COL22A1: variants seen among roughly 807,000 people sequenced by gnomAD.
COL22A1 encodes the protein collagen alpha-1(XXII) chain.
COL22A1 carries 221 observed loss-of-function variants against 248.9 expected under a neutral mutation model. The observed-to-expected ratio is 0.89, with a 90% CI of 0.80 to 0.99. The LOEUF (loss-of-function observed/expected upper bound fraction) is 0.99, where lower values mean the gene tolerates loss of function less well. Ranked by LOEUF, COL22A1 falls within the 50% of genes least tolerant of loss-of-function variation. The pLI, the probability that COL22A1 is intolerant of heterozygous loss-of-function variation, is 0.00. For synonymous variants in COL22A1, 891 were observed against 793.4 expected, an observed-to-expected ratio of 1.12 and a Z score of -2.07; for missense variants, 2,240 against 2,179.0, an observed-to-expected ratio of 1.03 and a Z score of -0.56.
intron 32 of COL22A1, among the ~76,000 whole-genome samples, chr8:138,697,465 G>T (rs1439296828): frequency 3.3e-5 from 5 of 152,136 alleles, no homozygotes; most frequent in Non-Finnish European, 7.3e-5. Flanking sequence ...GCACCAAGCT[G>T]CCTGTCCCTC....
chr8:138,810,506 C>T (rs1477586652), intron 9 of COL22A1, among the ~76,000 whole-genome samples: 2 of 152,186 alleles, frequency 1.3e-5, no homozygotes, highest in African/African-American at 4.8e-5. Context: ...AGCCCTGGCT[C>T]CTGCCTCCGC....
rs933148600 is a variant in COL22A1, at chr8:138,722,104, G to A, written c.2248-15C>T. The A allele has an allele frequency of 1.1e-5, 17 of 1,566,618 alleles. No homozygotes were observed. The highest frequency in any genetic ancestry group is 1.3e-5 in the Non-Finnish European group (15 of 1,154,764). ...CCAGGGGGTCCCTGGGCCAAGAGGG[G>A]AAAACATAAATAAAAAGGAAAGGCA... On this transcript the variant is annotated splice_polypyrimidine_tract_variant and intron_variant, in intron 25 of 64. Transcript: ENST00000303045.
intron 12 of COL22A1, among the ~76,000 whole-genome samples, chr8:138,794,415 T>C (rs1816322588): frequency 6.7e-6 from 1 of 149,952 alleles, no homozygotes; most frequent in Non-Finnish European, 1.5e-5. Flanking sequence ...CTGCTGAACA[T>C]GTTGGTGGGA....
In COL22A1 at chr8:138,769,130, T is replaced by A. The variant is rs184781743; in HGVS notation, c.1804-6664A>T. ...GTCCTATACTTTGCAAATCTTACCCTCCCCTCTAAGCTGTGAGTTTAAGAG... is the reference window on the plus strand; with the variant it reads ...GTCCTATACTTTGCAAATCTTACCCACCCCTCTAAGCTGTGAGTTTAAGAG... On this transcript the variant is annotated intron_variant, in intron 16 of 64. Coordinates refer to ENST00000303045, the MANE Select transcript of COL22A1 (RefSeq NM_152888.3). 2.2e-3 allele frequency among the ~76,000 whole-genome samples: 334 copies of A among 152,000 alleles called. 1 individual carries two copies. Among genetic ancestry groups the A allele is most frequent in the African/African-American group, 6.3e-3 (260 of 41,488 alleles).
intron 6 of COL22A1, among the ~76,000 whole-genome samples, chr8:138,823,533 GTAGCTGGGAC>G (rs1819336623): frequency 2.0e-5 from 3 of 152,164 alleles, no homozygotes; most frequent in African/African-American, 7.2e-5. Flanking sequence ...AGCCTCCCGA[GTAGCTGGGAC>G]TACAGGTGCG....
chr8:138,777,687 A>T (rs1814598899), intron 15 of COL22A1, among the ~76,000 whole-genome samples: 1 of 152,196 alleles, frequency 6.6e-6, no homozygotes, highest in African/African-American at 2.4e-5. Context: ...ATCCTTACAA[A>T]GGACAAGGAC....
intron 12 of COL22A1, among the ~76,000 whole-genome samples, chr8:138,789,280 C>A (rs1270464780): frequency 6.6e-6 from 1 of 152,194 alleles, no homozygotes; most frequent in Admixed American, 6.5e-5. Context: ...GCATTTTGCC[C>A]CTAACCTACA....
intron 6 of COL22A1, among the ~76,000 whole-genome samples, chr8:138,823,816 C>G (rs1242865406): frequency 6.6e-6 from 1 of 152,226 alleles, no homozygotes; most frequent in Non-Finnish European, 1.5e-5. Context: ...GGCATTTTCT[C>G]TCTTCATCTC....
At chr8:138,687,057 A>C (rs537310561) in intron 37 of COL22A1, among the ~76,000 whole-genome samples, 1 of 152,306 alleles carries the variant, frequency 6.6e-6, no homozygotes, top group East Asian at 1.9e-4. Context: ...CCCAGGTTCA[A>C]GCGATTCTTG....
intron 49 of COL22A1, 23 bp downstream of exon 49, chr8:138,634,986 AG>A: frequency 6.6e-7 from 1 of 1,512,932 alleles, no homozygotes; most frequent in Non-Finnish European, 9.2e-7. Flanking sequence ...CCGAAAGAGG[AG>A]GGGATTAAAG....
In COL22A1 at chr8:138,617,058, G is replaced by A. The variant is rs550144653; in HGVS notation, c.3826-100C>T. On this transcript the variant is annotated intron_variant, in intron 53 of 64. Transcript: ENST00000303045. ...GCCGGCTTTGACCCACGTTGCCCCC[G>A]CTCATTCTTTACCATTTGCAGGATA... The A allele has an allele frequency of 2.9e-5, 37 of 1,260,040 alleles. No homozygotes were observed. In the Middle Eastern group the frequency reaches 5.9e-4, roughly 20 times the overall value. 78.1% of individuals were successfully genotyped at this position (1,260,040 alleles called of 1,614,324 possible).
chr8:138,753,086 A>G (rs926610906), intron 21 of COL22A1, among the ~76,000 whole-genome samples: 32 of 152,166 alleles, frequency 2.1e-4, no homozygotes, highest in African/African-American at 6.8e-4. Flanking sequence ...AAAGCCACAA[A>G]ATTACTTGGT....
intron 15 of COL22A1, chr8:138,777,943 A>T: frequency 4.2e-6 from 1 of 240,832 alleles, no homozygotes; most frequent in Non-Finnish European, 8.1e-6. Flanking sequence ...GGACATACTG[A>T]ACACCATACT....
intron 12 of COL22A1, among the ~76,000 whole-genome samples, chr8:138,786,427 G>T (rs1815522851): frequency 6.6e-6 from 1 of 152,136 alleles, no homozygotes; most frequent in East Asian, 1.9e-4. Context: ...CATTTTACTA[G>T]AATGATTCCT....
intron 1 of COL22A1, among the ~76,000 whole-genome samples, chr8:138,889,062 T>C (rs569033965): frequency 3.3e-5 from 5 of 152,178 alleles, no homozygotes; most frequent in Non-Finnish European, 7.3e-5. Context: ...TATCTGATTA[T>C]TGCATGAGCT....
intron 15 of COL22A1, among the ~76,000 whole-genome samples, chr8:138,777,366 T>G (rs1344647100): frequency 6.6e-6 from 1 of 152,182 alleles, no homozygotes; most frequent in Non-Finnish European, 1.5e-5. Flanking sequence ...ATCTAAATAT[T>G]TTGGTCACAC....
At chr8:138,614,594 C>T (rs1301250074) in intron 55 of COL22A1, among the ~76,000 whole-genome samples, 1 of 152,206 alleles carries the variant, frequency 6.6e-6, no homozygotes, top group African/African-American at 2.4e-5. Context: ...ACTGGGCGAG[C>T]TGACCTCAGT....
chr8:138,679,801 G>T, intron 39 of COL22A1, 125 bp from the exon 40 acceptor site: 8 of 859,086 alleles, frequency 9.3e-6, no homozygotes, highest in African/African-American at 3.3e-5. Context: ...TCCAGATTAG[G>T]GTCTGGCACA....
chr8:138,767,235 G>A (rs548959919), intron 16 of COL22A1, among the ~76,000 whole-genome samples: 5 of 152,320 alleles, frequency 3.3e-5, no homozygotes, highest in East Asian at 1.9e-4. Flanking sequence ...TAGGCCAAAC[G>A]AAGGATGACT....
Sources: gnomAD v4.1 joint callset for allele counts (sites outside exome capture counted in the v4.1 genomes callset) on GRCh38, gnomAD v4.1.1 for gene constraint, MANE v1.5 for transcripts, NCBI Gene and HGNC (gene_info 2026-07-23, HGNC 2026-07-21) for gene names.